Variants in YPEL2 observed in about 807,000 individuals in gnomAD.
YPEL2 encodes yippee like 2.
In YPEL2, 2 loss-of-function variants were observed where a neutral mutation model predicts 19.1. The ratio of observed to expected loss-of-function variants is 0.10; its 90% CI spans 0.04 to 0.33. YPEL2 has a LOEUF of 0.33. YPEL2 is among the 10% of genes least tolerant of loss of function. The probability of loss-of-function intolerance (pLI) is 1.00; values close to 1 mark genes in which losing one functional copy is unlikely to be tolerated. For synonymous variants in YPEL2, 52 were observed against 50.0 expected, an observed-to-expected ratio of 1.04 and a Z score of -0.17; for missense variants, 66 against 140.7, an observed-to-expected ratio of 0.47 and a Z score of 2.68.
At chr17:59,366,631 C>T (rs1410209659) in intron 2 of YPEL2, among the ~76,000 whole-genome samples, 1 of 152,172 alleles carries the variant, frequency 6.6e-6, no homozygotes, top group Non-Finnish European at 1.5e-5. Context: ...TGGGTGGGGG[C>T]TGCTTTGTTT....
intron 4 of YPEL2, among the ~76,000 whole-genome samples, chr17:59,394,824 C>G (rs540177376): frequency 3.5e-4 from 54 of 152,344 alleles, no homozygotes; most frequent in African/African-American, 5.3e-4. Flanking sequence ...AACCAGACTC[C>G]GTCTGCAATC....
intron 2 of YPEL2, among the ~76,000 whole-genome samples, chr17:59,382,015 G>T (rs2047951872): frequency 6.6e-6 from 1 of 152,204 alleles, no homozygotes. Context: ...GCCCAGCTGG[G>T]GCTATTCTTG....
At chr17:59,387,824 A>G (rs538355283) in intron 2 of YPEL2, among the ~76,000 whole-genome samples, 4 of 152,330 alleles carry the variant, frequency 2.6e-5, no homozygotes, top group East Asian at 1.9e-4. Context: ...ATGACAAGCG[A>G]TAAGTGTGGG....
chr17:59,391,036 A>G (rs1049942079), intron 4 of YPEL2, among the ~76,000 whole-genome samples: 1 of 152,192 alleles, frequency 6.6e-6, no homozygotes, highest in South Asian at 2.1e-4. Flanking sequence ...GATTTTTTTC[A>G]GCCTGCACGT....
chr17:59,354,958 T>G (rs2047805125), intron 2 of YPEL2: 1 of 141,302 alleles, frequency 7.1e-6, no homozygotes, highest in Non-Finnish European at 1.5e-5. Flanking sequence ...GTAGGGGAAT[T>G]GTGAGTTGTC....
chr17:59,373,938 GC>G (rs2047908508), intron 2 of YPEL2, among the ~76,000 whole-genome samples: 2 of 152,206 alleles, frequency 1.3e-5, no homozygotes, highest in African/African-American at 4.8e-5. Flanking sequence ...GAAAAGACTT[GC>G]TTTTTACGCA....
intron 4 of YPEL2, among the ~76,000 whole-genome samples, chr17:59,393,121 CTG>C (rs2048016245): frequency 6.6e-6 from 1 of 152,146 alleles, no homozygotes; most frequent in Non-Finnish European, 1.5e-5. Flanking sequence ...CCAAATGCCT[CTG>C]TGTCTCGGGG....
intron 1 of YPEL2, among the ~76,000 whole-genome samples, chr17:59,338,803 C>G (rs377505190): frequency 1.3e-5 from 2 of 152,154 alleles, no homozygotes; most frequent in African/African-American, 4.8e-5. Flanking sequence ...TAGGGATTCT[C>G]GAAGCTGGCT....
chr17:59,335,840 G>T (rs529751032), intron 1 of YPEL2, among the ~76,000 whole-genome samples: 34 of 152,238 alleles, frequency 2.2e-4, no homozygotes, highest in Admixed American at 2.2e-3. Flanking sequence ...ATAAGCCACC[G>T]TGCCTGGCTC....
At chr17:59,337,804 C>T (rs1018212088) in intron 1 of YPEL2, among the ~76,000 whole-genome samples, 4 of 152,152 alleles carry the variant, frequency 2.6e-5, no homozygotes, top group Non-Finnish European at 5.9e-5. Flanking sequence ...GAGATATACA[C>T]ACTGAGGTTC....
intron 2 of YPEL2, among the ~76,000 whole-genome samples, chr17:59,364,031 C>T (rs771325783): frequency 6.6e-6 from 1 of 152,122 alleles, no homozygotes; most frequent in Non-Finnish European, 1.5e-5. Flanking sequence ...AGAACTCACT[C>T]TCTGGTTGTT....
chr17:59,360,610 CCT>C (rs1297133644), intron 2 of YPEL2, among the ~76,000 whole-genome samples: 17 of 152,250 alleles, frequency 1.1e-4, no homozygotes, highest in Admixed American at 6.5e-4. Context: ...CTTTTGTACT[CCT>C]CTAGAAGTAT....
chr17:59,349,095 AC>A (rs2047772541), intron 1 of YPEL2, among the ~76,000 whole-genome samples: 1 of 145,248 alleles, frequency 6.9e-6, no homozygotes, highest in Non-Finnish European at 1.5e-5. Context: ...AATGGCGTGA[AC>A]CCGGGAGGCA....
At chr17:59,385,923 C>G (rs2047977672) in intron 2 of YPEL2, among the ~76,000 whole-genome samples, 1 of 152,174 alleles carries the variant, frequency 6.6e-6, no homozygotes, top group Non-Finnish European at 1.5e-5. Context: ...GTTTGGCATT[C>G]AGAGAGAGAT....
chr17:59,353,900 G>A lies in YPEL2; in HGVS notation c.117+374G>A, dbSNP rs1320796276. ...GTGAATTCTGATAAAGCAGGGGAAT[G>A]TCTTGTAAGAGGGGTTCCTTAGCAA... On this transcript the variant is annotated intron_variant, in intron 2 of 4. Transcript: ENST00000312655. This position sits in a 1 kb window ranked among gnomAD's most constrained non-coding sequence, Gnocchi z 4.8. 9.4e-6 allele frequency: 3 copies of A among 318,416 alleles called. No homozygotes were observed. The highest frequency in any genetic ancestry group is 4.4e-5 in the African/African-American group (2 of 45,960). 19.7% of individuals were successfully genotyped at this position (318,416 alleles called of 1,614,324 possible).
chr17:59,351,943 A>T (rs1254735109), intron 1 of YPEL2, among the ~76,000 whole-genome samples: 1 of 152,160 alleles, frequency 6.6e-6, no homozygotes, highest in East Asian at 1.9e-4. Flanking sequence ...TCCCAGAAGT[A>T]TGGCGGCCTC....
At chr17:59,376,415 C>CAA (rs898758380) in intron 2 of YPEL2, among the ~76,000 whole-genome samples, 3 of 152,152 alleles carry the variant, frequency 2.0e-5, no homozygotes, top group Non-Finnish European at 4.4e-5. Context: ...GACGGGGTTT[C>CAA]ACCATTTTGG....
chr17:59,374,020 A>G (rs781462608), intron 2 of YPEL2, among the ~76,000 whole-genome samples: 2 of 152,256 alleles, frequency 1.3e-5, no homozygotes, highest in African/African-American at 2.4e-5. Flanking sequence ...CGAGGCATCT[A>G]TTCTCTTGAG....
At chr17:59,374,216 T>C (rs1295192734) in intron 2 of YPEL2, among the ~76,000 whole-genome samples, 1 of 152,208 alleles carries the variant, frequency 6.6e-6, no homozygotes, top group Non-Finnish European at 1.5e-5. Context: ...GACCCAGTTA[T>C]GTTCCATTTC....
Sources: allele counts gnomAD v4.1 joint callset (sites outside exome capture counted in the v4.1 genomes callset), GRCh38; gene constraint gnomAD v4.1.1; non-coding constraint Gnocchi (gnomAD v3.1); transcripts MANE v1.5; gene names NCBI Gene and HGNC (gene_info 2026-07-23, HGNC 2026-07-21).